Variants in ZFPM2 observed in about 807,000 individuals in gnomAD.
ZFPM2 encodes the protein zinc finger protein, FOG family member 2, also known as zinc finger protein ZFPM2.
A neutral mutation model predicts 98.6 loss-of-function variants in ZFPM2; 20 were observed. That is an observed-to-expected ratio of 0.20 (90% CI 0.14 to 0.29). The LOEUF is 0.29. ZFPM2 is among the 10% of genes least tolerant of loss of function. The pLI, the probability that ZFPM2 is intolerant of heterozygous loss-of-function variation, is 1.00. For missense variants in ZFPM2, 1,310 were observed against 1,388.6 expected (o/e 0.94, Z 0.90); for synonymous variants, 518 against 502.7 (o/e 1.03, Z -0.41).
chr8:105,779,999 C>T (rs984993162), intron 5 of ZFPM2, among the ~76,000 whole-genome samples: 7 of 152,138 alleles, frequency 4.6e-5, no homozygotes, highest in Admixed American at 1.3e-4. Flanking sequence ...TGTTAGAAAC[C>T]GTATCTGGTT....
At chr8:105,790,949 A>C (rs1206499260) in intron 6 of ZFPM2, among the ~76,000 whole-genome samples, 2 of 152,184 alleles carry the variant, frequency 1.3e-5, no homozygotes, top group East Asian at 3.9e-4. Flanking sequence ...TTGTGTCCTG[A>C]GACTTTGCTG....
chr8:105,332,096 G>T (rs567688610), intron 1 of ZFPM2, among the ~76,000 whole-genome samples: 1 of 151,732 alleles, frequency 6.6e-6, no homozygotes, highest in Admixed American at 6.6e-5. Flanking sequence ...GTTCTGTTCC[G>T]TAATCATGCC....
intron 6 of ZFPM2, among the ~76,000 whole-genome samples, chr8:105,793,624 T>A (rs377512299): frequency 6.6e-6 from 1 of 152,178 alleles, no homozygotes; most frequent in African/African-American, 2.4e-5. Flanking sequence ...TGAATCTGAA[T>A]GTTGGCCTGC....
At chr8:105,632,315 A>T (rs1235610631) in intron 4 of ZFPM2, among the ~76,000 whole-genome samples, 1 of 152,120 alleles carries the variant, frequency 6.6e-6, no homozygotes, top group African/African-American at 2.4e-5. Flanking sequence ...GATTATGGGC[A>T]TGCACCATCA....
chr8:105,330,597 T>TATATATATAC lies in ZFPM2; in HGVS notation c.40+11625_40+11626insCATATATATA, dbSNP rs1563606765. On this transcript the variant is annotated intron_variant, in intron 1 of 7. Coordinates refer to ENST00000407775, the MANE Select transcript of ZFPM2 (RefSeq NM_012082.4). ...ATATATATACATATATATATATACATATATATATATATACACATATATATA... is the reference window on the plus strand; with the variant it reads ...ATATATATACATATATATATATACATATATATATACATATATATATATACACATATATATA... 3.3e-3 allele frequency among the ~76,000 whole-genome samples: 236 copies of TATATATATAC among 71,414 alleles called. 1 individual carries two copies. Among genetic ancestry groups the TATATATATAC allele is most frequent in the South Asian group, 4.1e-3 (10 of 2,454 alleles). The allele number at this position is 71,414 out of a possible 152,430, so 46.9% of individuals were successfully genotyped here.
At chr8:105,731,863 C>T (rs935675772) in intron 5 of ZFPM2, among the ~76,000 whole-genome samples, 4 of 151,732 alleles carry the variant, frequency 2.6e-5, no homozygotes, top group Non-Finnish European at 4.4e-5. Context: ...CTAATAAGAA[C>T]TATTTAAGCT....
At chr8:105,594,704 C>T (rs1815930996) in intron 4 of ZFPM2, among the ~76,000 whole-genome samples, 1 of 152,000 alleles carries the variant, frequency 6.6e-6, no homozygotes, top group African/African-American at 2.4e-5. Flanking sequence ...GACTTCAAAA[C>T]TCTTTCTGCT....
chr8:105,485,595 C>G (rs1813216185), intron 3 of ZFPM2, among the ~76,000 whole-genome samples: 1 of 152,024 alleles, frequency 6.6e-6, no homozygotes. Flanking sequence ...GAGACTAAAG[C>G]AATGATTTTG....
chr8:105,622,953 ACCCATCT>A (rs1266340293), intron 4 of ZFPM2, among the ~76,000 whole-genome samples: 1 of 152,186 alleles, frequency 6.6e-6, no homozygotes, highest in South Asian at 2.1e-4. Context: ...GTGTTCTTAT[ACCCATCT>A]ATAAACATAA....
intron 1 of ZFPM2, among the ~76,000 whole-genome samples, chr8:105,370,374 C>G (rs1810594874): frequency 1.3e-5 from 2 of 152,096 alleles, no homozygotes; most frequent in African/African-American, 4.8e-5. Context: ...CTTACCTTTC[C>G]CAAATTGTGA....
At chr8:105,691,942 C>T (rs1586201014) in intron 5 of ZFPM2, among the ~76,000 whole-genome samples, 1 of 152,182 alleles carries the variant, frequency 6.6e-6, no homozygotes, top group East Asian at 1.9e-4. Flanking sequence ...TGTAATTCTA[C>T]TCAAGTAATA....
At chr8:105,458,814 A>G (rs1812649435) in intron 3 of ZFPM2, among the ~76,000 whole-genome samples, 2 of 152,022 alleles carry the variant, frequency 1.3e-5, no homozygotes, top group African/African-American at 2.4e-5. Flanking sequence ...TTTTAATTAG[A>G]TGTTTTCCAG....
intron 3 of ZFPM2, among the ~76,000 whole-genome samples, chr8:105,527,808 T>G (rs1370032825): frequency 3.3e-5 from 5 of 152,190 alleles, no homozygotes; most frequent in Admixed American, 3.3e-4. Context: ...AGATATAACC[T>G]GGATTTAATC....
intron 4 of ZFPM2, among the ~76,000 whole-genome samples, chr8:105,594,399 A>G (rs1815918677): frequency 1.3e-5 from 2 of 152,130 alleles, no homozygotes; most frequent in Non-Finnish European, 2.9e-5. Context: ...GCACTGTTGA[A>G]ATGATTTTTT....
intron 1 of ZFPM2, among the ~76,000 whole-genome samples, chr8:105,394,082 T>A (rs1363123030): frequency 2.0e-5 from 3 of 151,844 alleles, no homozygotes; most frequent in East Asian, 1.9e-4. Context: ...TTTATTAGAG[T>A]CGGGGTTTCA....
chr8:105,599,745 G>T (rs945650111), intron 4 of ZFPM2, among the ~76,000 whole-genome samples: 1 of 152,092 alleles, frequency 6.6e-6, no homozygotes, highest in Admixed American at 6.6e-5. Flanking sequence ...CAACTCCCCT[G>T]AAATTTCCAA....
chr8:105,664,833 G>A (rs1258041661), intron 5 of ZFPM2, among the ~76,000 whole-genome samples: 2 of 152,112 alleles, frequency 1.3e-5, no homozygotes, highest in African/African-American at 4.8e-5. Context: ...CTGAAGTACT[G>A]TGGTTTTATT....
At chr8:105,778,588 C>A (rs1813165294) in intron 5 of ZFPM2, among the ~76,000 whole-genome samples, 1 of 151,984 alleles carries the variant, frequency 6.6e-6, no homozygotes, top group Admixed American at 6.6e-5. Flanking sequence ...TACAAGAGAT[C>A]ATGATTTACT....
At chr8:105,772,902 C>T (rs1248497099) in intron 5 of ZFPM2, among the ~76,000 whole-genome samples, 2 of 152,088 alleles carry the variant, frequency 1.3e-5, no homozygotes, top group African/African-American at 4.8e-5. Flanking sequence ...AAAGTTACAT[C>T]TTTATGCTTT....
Sources: allele counts gnomAD v4.1 joint callset (sites outside exome capture counted in the v4.1 genomes callset), GRCh38; gene constraint gnomAD v4.1.1; transcripts MANE v1.5; gene names NCBI Gene and HGNC (gene_info 2026-07-23, HGNC 2026-07-21).